BCAS3: variants seen among roughly 807,000 people sequenced by gnomAD.
BCAS3 encodes the protein BCAS4/BCAS3 fusion.
Under a neutral mutation model 116.1 loss-of-function variants are expected in BCAS3, and 53 were observed. The ratio of observed to expected loss-of-function variants is 0.46; its 90% CI spans 0.37 to 0.57. BCAS3 has a LOEUF of 0.57. BCAS3 is among the 20% of genes least tolerant of loss of function. The probability of loss-of-function intolerance (pLI) is 0.00; values close to 1 mark genes in which losing one functional copy is unlikely to be tolerated. For missense variants in BCAS3, 917 were observed against 1,165.4 expected, an observed-to-expected ratio of 0.79 and a Z score of 3.10; for synonymous variants, 391 against 408.2, an observed-to-expected ratio of 0.96 and a Z score of 0.51.
intron 22 of BCAS3, among the ~76,000 whole-genome samples, chr17:61,345,952 ATGAGTGAGT>A (rs2057479374): frequency 2.0e-5 from 3 of 152,188 alleles, no homozygotes; most frequent in Admixed American, 2.0e-4. Context: ...ATTGTAGACG[ATGAGTGAGT>A]TGAGTGAGTT....
At chr17:60,768,255 G>A (rs1247661390) in intron 6 of BCAS3, among the ~76,000 whole-genome samples, 1 of 152,210 alleles carries the variant, frequency 6.6e-6, no homozygotes, top group Admixed American at 6.5e-5. Flanking sequence ...TGAAGGATGT[G>A]AAGTATTGAT....
chr17:60,984,460 A>G (rs960241213), intron 14 of BCAS3, among the ~76,000 whole-genome samples: 1 of 152,132 alleles, frequency 6.6e-6, no homozygotes, highest in Admixed American at 6.5e-5. Flanking sequence ...ATGCACATAG[A>G]TATGTATATA....
Position 61,359,997 on chromosome 17 carries a change from TC to T in BCAS3, c.2426-8327del, listed in dbSNP as rs749440496. Among the ~76,000 whole-genome samples, 381 of 136,354 alleles carry T rather than the reference TC, an allele frequency of 2.8e-3. 1 individual carries two copies. The highest frequency in any genetic ancestry group is 4.9e-3 in the Non-Finnish European group (317 of 64,766). 89.5% of individuals were successfully genotyped at this position (136,354 alleles called of 152,430 possible). On this transcript the variant is annotated intron_variant, in intron 22 of 23. Coordinates refer to ENST00000407086, the MANE Select transcript of BCAS3 (RefSeq NM_017679.5). ...AGGAGCTCAGTTCAAAACAGTGGCC[TC>T]CCATAACTTTTCTTTTTTTTTTTTT...
rs997864052 is a variant in BCAS3 at position 61,228,667 on chromosome 17, G to A, written c.2426-139660G>A. Among the ~76,000 whole-genome samples, 13 of 152,252 alleles carry A rather than the reference G, an allele frequency of 8.5e-5. No individual in the cohort carries two copies. Among genetic ancestry groups the A allele is most frequent in the African/African-American group, 3.1e-4 (13 of 41,552 alleles). ...TCGTTTGGGGGCACCCTCAAGCTAT[G>A]CCCATGTAAAACAGCAAACTTAATA... On this transcript the variant is annotated intron_variant, in intron 22 of 23. Coordinates refer to ENST00000407086, the MANE Select transcript of BCAS3 (RefSeq NM_017679.5). The surrounding 1 kb of genome is among the most constrained non-coding windows in gnomAD (Gnocchi z 5.0).
intron 22 of BCAS3, among the ~76,000 whole-genome samples, chr17:61,310,731 C>G (rs1691932160): frequency 6.6e-6 from 1 of 152,174 alleles, no homozygotes; most frequent in East Asian, 1.9e-4. Context: ...GTGCCCCGCC[C>G]TCCAAGAGCT....
intron 7 of BCAS3, among the ~76,000 whole-genome samples, chr17:60,865,511 A>T (rs1416090512): frequency 6.6e-6 from 1 of 152,172 alleles, no homozygotes; most frequent in Non-Finnish European, 1.5e-5. Flanking sequence ...ATTTTGTTAG[A>T]CTTACATAGA....
chr17:61,388,721 G>T lies in BCAS3; in HGVS notation c.2594-3256G>T, dbSNP rs373693254. ...GGGATGGAGGAAGGTAAGGCCACACGTTTCCATTTGCCGCTTGCTCGTAGG... is the reference window on the plus strand; with the variant it reads ...GGGATGGAGGAAGGTAAGGCCACACTTTTCCATTTGCCGCTTGCTCGTAGG... On this transcript the variant is annotated intron_variant, in intron 23 of 23. Coordinates refer to ENST00000407086, the MANE Select transcript of BCAS3 (RefSeq NM_017679.5). The surrounding 1 kb of genome is among the most constrained non-coding windows in gnomAD (Gnocchi z 6.5). 1 of 1,542,452 alleles carries T rather than the reference G, an allele frequency of 6.5e-7. No homozygotes were observed.
chr17:60,772,578 C>G (rs1218595697), intron 6 of BCAS3, among the ~76,000 whole-genome samples: 1 of 152,054 alleles, frequency 6.6e-6, no homozygotes, highest in Non-Finnish European at 1.5e-5. Context: ...TGACGGATAT[C>G]TTTAAAAAGG....
intron 19 of BCAS3, among the ~76,000 whole-genome samples, chr17:61,064,204 G>A (rs2070370919): frequency 6.6e-6 from 1 of 152,254 alleles, no homozygotes. Flanking sequence ...GCTGAGACAG[G>A]AGGATCACTT....
chr17:60,986,004 T>TG (rs2063120329), intron 14 of BCAS3, among the ~76,000 whole-genome samples: 1 of 152,244 alleles, frequency 6.6e-6, no homozygotes, highest in Admixed American at 6.5e-5. Flanking sequence ...CCCAAACTGC[T>TG]GGGATTACAG....
At chr17:61,146,060 T>C (rs1786940929) in intron 22 of BCAS3, among the ~76,000 whole-genome samples, 1 of 151,916 alleles carries the variant, frequency 6.6e-6, no homozygotes, top group African/African-American at 2.4e-5. Context: ...ATGCATCATC[T>C]ACCCCCCGAT....
Position 61,032,071 on chromosome 17 carries a change from T to C in BCAS3, c.1638-2595T>C, listed in dbSNP as rs929187920. ...ATTTTTTGTATGTCAAAAAACTAAA[T>C]TGACGTCCTCTCATTTTTCTACTTT... On this transcript the variant is annotated intron_variant, in intron 16 of 23. Coordinates refer to ENST00000407086, the MANE Select transcript of BCAS3 (RefSeq NM_017679.5). The surrounding 1 kb of genome is among the most constrained non-coding windows in gnomAD (Gnocchi z 4.6). Among the ~76,000 whole-genome samples the C allele has an allele frequency of 1.3e-5, 2 of 152,150 alleles. No individual in the cohort carries two copies. The highest frequency in any genetic ancestry group is 4.8e-5 in the African/African-American group (2 of 41,454).
chr17:61,079,010 C>T (rs1036211965), intron 21 of BCAS3, among the ~76,000 whole-genome samples: 6 of 151,804 alleles, frequency 4.0e-5, no homozygotes, highest in African/African-American at 1.2e-4. Flanking sequence ...AATACATGTT[C>T]TCTCATCCTT....
Position 61,336,033 on chromosome 17 carries a change from C to T in BCAS3, c.2426-32294C>T, listed in dbSNP as rs766686634. 2.6e-5 allele frequency among the ~76,000 whole-genome samples: 4 copies of T among 152,372 alleles called. No individual in the cohort carries two copies. In the East Asian group the frequency reaches 7.7e-4, roughly 29 times the overall value. ...GCCCCCTTTCCATACTTTTCAGATA[C>T]AGGGCGTGTCGGCTTTCCTTTCGCG... is the stretch of plus-strand genomic sequence containing the variant. On this transcript the variant is annotated intron_variant, in intron 22 of 23. Transcript: ENST00000407086.
chr17:60,763,744 T>C (rs957925240), intron 6 of BCAS3, among the ~76,000 whole-genome samples: 1 of 152,250 alleles, frequency 6.6e-6, no homozygotes, highest in Admixed American at 6.5e-5. Context: ...TCTTTTTCTA[T>C]GGATTGGAAT....
At chr17:61,371,611 A>G (rs767347233) in intron 23 of BCAS3, among the ~76,000 whole-genome samples, 10 of 152,230 alleles carry the variant, frequency 6.6e-5, no homozygotes, top group Non-Finnish European at 1.5e-4. Context: ...TATGTGAGGT[A>G]ATGCATGTTA....
chr17:60,860,675 A>G (rs562235166), intron 7 of BCAS3, among the ~76,000 whole-genome samples: 61 of 152,316 alleles, frequency 4.0e-4, no homozygotes, highest in East Asian at 1.7e-3. Context: ...AAAGATTTTC[A>G]TATATAGAGC....
At chr17:61,078,254 A>G in intron 20 of BCAS3, 79 bp from the exon 21 acceptor site, 1 of 1,161,480 alleles carries the variant, frequency 8.6e-7, no homozygotes, top group Non-Finnish European at 1.2e-6. Flanking sequence ...GTGGGTGTTA[A>G]GAGGAAGAAT....
chr17:61,058,380 G>T (rs2069609984), intron 19 of BCAS3, among the ~76,000 whole-genome samples: 1 of 152,134 alleles, frequency 6.6e-6, no homozygotes, highest in East Asian at 1.9e-4. Context: ...ATGACTTTGT[G>T]AAGAACATCT....
Sources: gnomAD v4.1 joint callset for allele counts (sites outside exome capture counted in the v4.1 genomes callset) on GRCh38, gnomAD v4.1.1 for gene constraint, Gnocchi (gnomAD v3.1) non-coding constraint, MANE v1.5 for transcripts, NCBI Gene and HGNC (gene_info 2026-07-23, HGNC 2026-07-21) for gene names.